IL1B: variants seen among roughly 807,000 people sequenced by gnomAD.
IL1B encodes the protein interleukin-1 beta.
A neutral mutation model predicts 26.2 loss-of-function variants in IL1B; 11 were observed. The observed-to-expected ratio is 0.42, with a 90% confidence interval of 0.26 to 0.70. The LOEUF (loss-of-function observed/expected upper bound fraction) is 0.70, where lower values mean the gene tolerates loss of function less well. IL1B is among the 30% of genes least tolerant of loss of function. The probability of loss-of-function intolerance (pLI) is 0.25; values close to 1 mark genes in which losing one functional copy is unlikely to be tolerated. For synonymous variants in IL1B, 118 were observed against 120.8 expected, an observed-to-expected ratio of 0.98 and a Z score of 0.15; for missense variants, 255 against 327.5, an observed-to-expected ratio of 0.78 and a Z score of 1.71.
intron 3 of IL1B, among the ~76,000 whole-genome samples, chr2:112,834,484 T>TAAGGCATGATAATGGTTCAAAGGCTTGA: frequency 6.6e-6 from 1 of 152,352 alleles, no homozygotes; most frequent in African/African-American, 2.4e-5. Flanking sequence ...GAGGTTGCCT[T>TAAGGCATGATAATGGTTCAAAGGCTTGA]AAGGCATGAT....
intron 3 of IL1B, among the ~76,000 whole-genome samples, chr2:112,834,783 C>T (rs1573279278): frequency 6.6e-6 from 1 of 152,218 alleles, no homozygotes; most frequent in South Asian, 2.1e-4. Flanking sequence ...AAAGTGGCTG[C>T]CTCCCAACCT....
At chr2:112,832,167 T>G (rs1470581995) in intron 5 of IL1B, among the ~76,000 whole-genome samples, 1 of 152,118 alleles carries the variant, frequency 6.6e-6, no homozygotes, top group East Asian at 1.9e-4. Context: ...CTTTTGCCCG[T>G]TACAGCGGAG....
rs914024612 is a variant in IL1B at position 112,830,185 on chromosome 2, CTG to C, written c.*174_*175del. ...CCCTGAAAGGAGAGAGCTGACTGTC[CTG>C]GCTGATGGACAGGAGATCCTCTTAG... On this transcript the variant is annotated 3_prime_UTR_variant, in exon 7 of 7. Coordinates refer to ENST00000263341, the MANE Select transcript of IL1B (RefSeq NM_000576.3). 73 of 618,856 alleles carry C rather than the reference CTG, an allele frequency of 1.2e-4. No homozygotes were observed. The highest frequency in any genetic ancestry group is 1.8e-4 in the Non-Finnish European group (63 of 345,150). 38.3% of individuals were successfully genotyped at this position (618,856 alleles called of 1,614,324 possible).
chr2:112,833,308 G>T, intron 4 of IL1B, 66 bp downstream of exon 4: 2 of 1,489,082 alleles, frequency 1.3e-6, no homozygotes, highest in Non-Finnish European at 1.9e-6. Flanking sequence ...GAATTGAGTT[G>T]GCTGGGGCTT....
rs772647095 is a variant in IL1B at position 112,830,501 on chromosome 2, T to C, written c.670A>G (p.Asn224Asp). The C allele has an allele frequency of 6.2e-7, 1 of 1,614,078 alleles. No homozygotes were observed. The highest frequency in any genetic ancestry group is 8.5e-7 in the Non-Finnish European group (1 of 1,179,974). The change falls in exon 7 of 7, where the codon AAC becomes GAC. Residue 224 changes from asparagine to aspartate, a missense_variant. Transcript: ENST00000263341. ...TGGGCAGACTCAAATTCCAGCTTGT[T>C]ATTGATTTCTATCTTGTTGAAGACA... The part of the protein sequence containing the change: ...RFVFNKIEIN[N>D]KLEFESAQFP...
At chr2:112,835,363 C>T in intron 3 of IL1B, 8 of 630,236 alleles carry the variant, frequency 1.3e-5, no homozygotes, top group Non-Finnish European at 2.3e-5. Flanking sequence ...GTGGCCACCA[C>T]CACCAACGTT....
chr2:112,834,559 GA>G (rs1682051365), intron 3 of IL1B, among the ~76,000 whole-genome samples: 1 of 152,254 alleles, frequency 6.6e-6, no homozygotes, highest in Non-Finnish European at 1.5e-5. Flanking sequence ...AGTTGAGCAG[GA>G]GAGAATTTCC....
Position 112,832,686 on chromosome 2 carries a change from G to T in IL1B, c.442C>A (p.Gln148Lys), listed in dbSNP as rs771667570. The T allele has an allele frequency of 6.2e-7, 1 of 1,614,206 alleles. No homozygotes were observed. The highest frequency in any genetic ancestry group is 8.5e-7 in the Non-Finnish European group (1 of 1,180,042). ...GPYELKALHL[Q>K]GQDMEQQVVF... is the part of the protein sequence containing the mutation. ...CCTTGTTGCTCCATATCCTGTCCCT[G>T]GAGGTGGAGAGCTTTCAGTTCATAT... The change falls in exon 5 of 7, where the codon CAG becomes AAG. Residue 148 changes from glutamine (Q) to lysine (K), a missense_variant. Coordinates refer to ENST00000263341, the MANE Select transcript of IL1B (RefSeq NM_000576.3).
chr2:112,830,313 A>G lies in IL1B; in HGVS notation c.*48T>C. On this transcript the variant is annotated 3_prime_UTR_variant, in exon 7 of 7. Coordinates refer to ENST00000263341, the MANE Select transcript of IL1B (RefSeq NM_000576.3). ...TTTCTGTTCCCTTTCTGCCAGCCCT[A>G]GGGATTGAGTCCACATTCAGCACAG... The G allele has an allele frequency of 6.7e-7, 1 of 1,497,874 alleles. No individual in the cohort carries two copies. 92.8% of individuals were successfully genotyped at this position (1,497,874 alleles called of 1,614,324 possible).
At chr2:112,835,380 T>C (rs905976931) in intron 3 of IL1B, 186 bp downstream of exon 3, 5 of 655,770 alleles carry the variant, frequency 7.6e-6, no homozygotes, top group Non-Finnish European at 1.4e-5. Flanking sequence ...CGTTAGTGAG[T>C]GACTGTGGTG....
chr2:112,829,959 C>A lies in IL1B; in HGVS notation c.*402G>T. On this transcript the variant is annotated 3_prime_UTR_variant, in exon 7 of 7. Transcript: ENST00000263341. ...TTTTACAGACACTGCTACTTCTTGC[C>A]CCCTTTGAATAAATTAGACCAATGA... 5.3e-6 allele frequency: 1 copy of A among 188,802 alleles called. No individual in the cohort carries two copies. Among genetic ancestry groups the A allele is most frequent in the Non-Finnish European group, 1.1e-5 (1 of 89,162 alleles). The allele number at this position is 188,802 out of a possible 1,614,324, so 11.7% of individuals were successfully genotyped here.
intron 3 of IL1B, 173 bp downstream of exon 3, chr2:112,835,393 A>T: frequency 1.5e-6 from 1 of 677,604 alleles, no homozygotes. Context: ...CTGTGGTGAT[A>T]TGATGACCAA....
chr2:112,836,480 G>A, intron 1 of IL1B: 1 of 459,270 alleles, frequency 2.2e-6, no homozygotes, highest in Non-Finnish European at 4.1e-6. Flanking sequence ...CCTTTAGGGT[G>A]TCAGCTGTTA....
At chr2:112,832,536 T>C (rs1682005784) in intron 5 of IL1B, 126 bp downstream of exon 5, 3 of 1,054,600 alleles carry the variant, frequency 2.8e-6, no homozygotes, top group Non-Finnish European at 4.4e-6. Flanking sequence ...TGTATATTCC[T>C]TTTTAATATT....
At chr2:112,830,639 C>T in intron 6 of IL1B, 66 bp from the exon 7 acceptor site, 1 of 1,187,952 alleles carries the variant, frequency 8.4e-7, no homozygotes, top group Non-Finnish European at 1.3e-6. Context: ...GAAAGATGTT[C>T]TTTGGGTTGG....
At chr2:112,836,679 C>G in intron 1 of IL1B, 29 bp downstream of exon 1, 1 of 193,560 alleles carries the variant, frequency 5.2e-6, no homozygotes, top group South Asian at 8.5e-5. Context: ...TCCCTTAGCA[C>G]CTAGTTGTAA....
chr2:112,831,549 G>T, intron 5 of IL1B, 127 bp from the exon 6 acceptor site: 1 of 1,004,886 alleles, frequency 1.0e-6, no homozygotes, highest in Non-Finnish European at 1.5e-6. Context: ...AGGTTCCTTG[G>T]CCTAAGACAC....
At chr2:112,833,101 C>T (rs1558782935) in intron 4 of IL1B, 1 of 600,560 alleles carries the variant, frequency 1.7e-6, no homozygotes, top group Non-Finnish European at 3.0e-6. Flanking sequence ...CACTAGCCCA[C>T]AGGGAGGTTA....
intron 5 of IL1B, among the ~76,000 whole-genome samples, chr2:112,832,318 A>G (rs1431766593): frequency 1.3e-5 from 2 of 152,308 alleles, no homozygotes; most frequent in East Asian, 3.9e-4. Flanking sequence ...TTCAGCCTCA[A>G]CAACAGGAAG....
Sources: allele counts gnomAD v4.1 joint callset (sites outside exome capture counted in the v4.1 genomes callset), GRCh38; gene constraint gnomAD v4.1.1; transcripts MANE v1.5; gene names NCBI Gene and HGNC (gene_info 2026-07-23, HGNC 2026-07-21).